Variants in HS3ST2 observed in about 807,000 individuals in gnomAD.
The protein encoded by HS3ST2 is heparan sulfate-glucosamine 3-sulfotransferase 2, also known as heparan sulfate glucosamine 3-O-sulfotransferase 2.
In HS3ST2, 17 loss-of-function variants were observed where a neutral mutation model predicts 26.3. The ratio of observed to expected loss-of-function variants is 0.65; its 90% CI spans 0.44 to 0.97. The LOEUF is 0.97. HS3ST2 is among the 50% of genes least tolerant of loss of function. The pLI is 0.00. For synonymous variants in HS3ST2, 237 were observed against 219.2 expected, an observed-to-expected ratio of 1.08 and a Z score of -0.72; for missense variants, 402 against 501.2, an observed-to-expected ratio of 0.80 and a Z score of 1.89.
At chr16:22,833,570 T>C (rs1280971134) in intron 1 of HS3ST2, 1 of 316,834 alleles carries the variant, frequency 3.2e-6, no homozygotes, top group African/African-American at 2.2e-5. Flanking sequence ...AGTCTACTAC[T>C]CTAAAGACTC....
At chr16:22,878,364 C>T (rs1901946263) in intron 1 of HS3ST2, among the ~76,000 whole-genome samples, 1 of 152,188 alleles carries the variant, frequency 6.6e-6, no homozygotes, top group African/African-American at 2.4e-5. Flanking sequence ...TGATTAGACA[C>T]TGTTGCCCGC....
chr16:22,827,694 A>G (rs900526830), intron 1 of HS3ST2, among the ~76,000 whole-genome samples: 1 of 132,232 alleles, frequency 7.6e-6, no homozygotes, highest in Non-Finnish European at 1.6e-5. Context: ...ATGTGATAGT[A>G]TTTCTTTCTT....
At chr16:22,837,507 A>G (rs1034096928) in intron 1 of HS3ST2, among the ~76,000 whole-genome samples, 6 of 146,520 alleles carry the variant, frequency 4.1e-5, no homozygotes, top group Non-Finnish European at 7.5e-5. Flanking sequence ...GTGTATATAT[A>G]TGTGTATATA....
chr16:22,879,699 C>G (rs1901962895), intron 1 of HS3ST2, among the ~76,000 whole-genome samples: 1 of 152,162 alleles, frequency 6.6e-6, no homozygotes, highest in South Asian at 2.1e-4. Context: ...GCAGGCATTG[C>G]CATCCATCAG....
In HS3ST2 at chr16:22,863,807, G is replaced by A. The variant is rs112031404; in HGVS notation, c.485+48712G>A. ...AGCATAACCCATAGCTCTCCAGGCC[G>A]TGCAAGAAGCTCAATGGCAATTACC... is the stretch of plus-strand genomic sequence containing the variant. On this transcript the variant is annotated intron_variant, in intron 1 of 1. Coordinates refer to ENST00000261374, the MANE Select transcript of HS3ST2 (RefSeq NM_006043.2). Among the ~76,000 whole-genome samples the A allele has an allele frequency of 9.0e-3, 1,370 of 152,264 alleles. 23 individuals carry two copies. The highest frequency in any genetic ancestry group is 0.033 in the East Asian group (172 of 5,176).
chr16:22,862,306 A>G (rs1901689747), intron 1 of HS3ST2, among the ~76,000 whole-genome samples: 1 of 144,858 alleles, frequency 6.9e-6, no homozygotes, highest in Non-Finnish European at 1.5e-5. Context: ...GTAGGGAATC[A>G]GAAGCAAAGG....
intron 1 of HS3ST2, among the ~76,000 whole-genome samples, chr16:22,842,826 T>A (rs1297731906): frequency 6.6e-6 from 1 of 152,166 alleles, no homozygotes; most frequent in Non-Finnish European, 1.5e-5. Flanking sequence ...CGATTTTTCA[T>A]TTGTTTAGAG....
intron 1 of HS3ST2, among the ~76,000 whole-genome samples, chr16:22,819,653 C>G (rs1900958962): frequency 6.6e-6 from 1 of 152,166 alleles, no homozygotes; most frequent in South Asian, 2.1e-4. Flanking sequence ...ATAGATGAGC[C>G]TGTTCTATAA....
intron 1 of HS3ST2, among the ~76,000 whole-genome samples, chr16:22,887,348 A>T (rs1567497166): frequency 1.3e-5 from 2 of 152,196 alleles, no homozygotes; most frequent in Non-Finnish European, 2.9e-5. Context: ...GTGTCCAGTG[A>T]GACCCCATTT....
At chr16:22,830,627 A>G (rs2283527) in intron 1 of HS3ST2, among the ~76,000 whole-genome samples, 19,296 of 152,162 alleles carry the variant, frequency 0.13, 1,326 homozygotes, top group South Asian at 0.22. Context: ...TAAGTTCAAT[A>G]TTGAGAGCCT....
chr16:22,850,752 A>C (rs1901507422), intron 1 of HS3ST2, among the ~76,000 whole-genome samples: 1 of 152,210 alleles, frequency 6.6e-6, no homozygotes, highest in Non-Finnish European at 1.5e-5. Flanking sequence ...GTGCCACTGC[A>C]CTCCAGCCTG....
chr16:22,913,144 AAGGAAGGG>A (rs1266803219), intron 1 of HS3ST2, among the ~76,000 whole-genome samples: 19 of 95,730 alleles, frequency 2.0e-4, no homozygotes, highest in East Asian at 1.3e-3. Flanking sequence ...GGAAGGAAGG[AAGGAAGGG>A]AGGGAGGGAG....
intron 1 of HS3ST2, among the ~76,000 whole-genome samples, chr16:22,878,749 G>C (rs996826252): frequency 6.6e-6 from 1 of 152,192 alleles, no homozygotes; most frequent in Non-Finnish European, 1.5e-5. Flanking sequence ...AAGTGCCCCC[G>C]AGAGAGCAAC....
intron 1 of HS3ST2, among the ~76,000 whole-genome samples, chr16:22,875,298 A>G (rs1003286140): frequency 4.6e-5 from 7 of 152,166 alleles, no homozygotes; most frequent in Non-Finnish European, 8.8e-5. Context: ...AGGTTTATAA[A>G]GTAAAAATGT....
In HS3ST2 at chr16:22,870,473, G is replaced by A. The variant is rs547338801; in HGVS notation, c.486-44471G>A. On this transcript the variant is annotated intron_variant, in intron 1 of 1. Transcript: ENST00000261374. ...GCTAAAGCATAAGTCGAATCACGTC[G>A]CTCCTCTGCTTCTCATCTCATTCAG... is the stretch of plus-strand genomic sequence containing the variant. 3.9e-5 allele frequency among the ~76,000 whole-genome samples: 6 copies of A among 152,138 alleles called. No individual in the cohort carries two copies. The East Asian group carries it at 5.8e-4, about 15-fold the overall frequency.
chr16:22,843,465 A>G (rs966733218), intron 1 of HS3ST2, among the ~76,000 whole-genome samples: 1 of 152,164 alleles, frequency 6.6e-6, no homozygotes, highest in African/African-American at 2.4e-5. Context: ...ACTGGCTTCA[A>G]GTTGGGGTTC....
At chr16:22,821,782 C>T (rs901475363) in intron 1 of HS3ST2, among the ~76,000 whole-genome samples, 14 of 152,072 alleles carry the variant, frequency 9.2e-5, no homozygotes, top group African/African-American at 2.7e-4. Context: ...AGCAGCTTGA[C>T]GAGGTGGGTA....
chr16:22,818,733 CTCCT>C (rs763996235), intron 1 of HS3ST2, among the ~76,000 whole-genome samples: 2,492 of 17,368 alleles, frequency 0.14, 570 homozygotes, highest in Admixed American at 0.22. Flanking sequence ...CCCTCCCTCC[CTCCT>C]TCCCTTCCTT....
rs569827265 is a variant in HS3ST2, at chr16:22,891,041, T to A, written c.486-23903T>A. ...TTCTGTTTAATTAGTTGTGGAATTT[T>A]AAAAAACGAGCAGATGTGCTATGGT... On this transcript the variant is annotated intron_variant, in intron 1 of 1. Coordinates refer to ENST00000261374, the MANE Select transcript of HS3ST2 (RefSeq NM_006043.2). Among the ~76,000 whole-genome samples the A allele has an allele frequency of 3.3e-5, 5 of 152,334 alleles. No individual in the cohort carries two copies. In the East Asian group the frequency reaches 9.6e-4, roughly 29 times the overall value.
Sources: gnomAD v4.1 joint callset for allele counts (sites outside exome capture counted in the v4.1 genomes callset) on GRCh38, gnomAD v4.1.1 for gene constraint, MANE v1.5 for transcripts, NCBI Gene and HGNC (gene_info 2026-07-23, HGNC 2026-07-21) for gene names.